Variants in PCDH15 observed in about 807,000 individuals in gnomAD.
PCDH15 encodes the protein protocadherin-15.
Under a neutral mutation model 178.5 loss-of-function variants are expected in PCDH15, and 129 were observed. That is an observed-to-expected ratio of 0.72 (90% CI 0.63 to 0.84). The LOEUF is 0.84. Among genes scored for constraint, PCDH15 ranks in the 40% least tolerant of loss-of-function variants. The pLI is 0.00. For missense variants in PCDH15, 2,230 were observed against 2,099.9 expected (o/e 1.06, Z -1.21); for synonymous variants, 800 against 732.0 (o/e 1.09, Z -1.50).
rs148813390 is a variant in PCDH15, at chr10:53,943,291, C to T, written c.3123-2316G>A. Among the ~76,000 whole-genome samples the T allele has an allele frequency of 3.4e-3, 511 of 152,014 alleles. 2 individuals are homozygous for T. The highest frequency in any genetic ancestry group is 0.011 in the African/African-American group (471 of 41,466). ...ATCCCCTGAGGTCAGGAGTTCAAGA[C>T]CAGCCTCACCAATATCTCTACTAAA... On this transcript the variant is annotated intron_variant, in intron 23 of 37. Coordinates refer to ENST00000644397, the MANE Select transcript of PCDH15 (RefSeq NM_001384140.1).
chr10:54,212,167 A>G (rs2051511281), intron 10 of PCDH15, among the ~76,000 whole-genome samples: 1 of 152,140 alleles, frequency 6.6e-6, no homozygotes, highest in Admixed American at 6.5e-5. Context: ...ATTCCCATAG[A>G]AAGCAGCACC....
chr10:54,557,501 A>T (rs922464976), intron 2 of PCDH15, among the ~76,000 whole-genome samples: 1 of 152,132 alleles, frequency 6.6e-6, no homozygotes, highest in Non-Finnish European at 1.5e-5. Context: ...GATATACAAC[A>T]TTACTCATGT....
chr10:54,860,085 G>A (rs1953812548), intron 3 of PCDH15, among the ~76,000 whole-genome samples: 1 of 152,020 alleles, frequency 6.6e-6, no homozygotes, highest in Non-Finnish European at 1.5e-5. Context: ...ATGTTTGTAT[G>A]CATGTGTGTG....
At chr10:54,192,474 C>T (rs989229246) in intron 11 of PCDH15, among the ~76,000 whole-genome samples, 3 of 151,616 alleles carry the variant, frequency 2.0e-5, no homozygotes, top group African/African-American at 2.4e-5. Context: ...TTAGTTGTGG[C>T]GAATAAAGAA....
intron 26 of PCDH15, among the ~76,000 whole-genome samples, chr10:53,870,538 G>T (rs2079764969): frequency 6.6e-6 from 1 of 152,082 alleles, no homozygotes; most frequent in Non-Finnish European, 1.5e-5. Context: ...TGATTGCCAG[G>T]ATCATTAGCA....
chr10:54,234,145 T>TGTGTGC (rs2054374430), intron 9 of PCDH15, among the ~76,000 whole-genome samples: 1 of 150,948 alleles, frequency 6.6e-6, no homozygotes, highest in African/African-American at 2.4e-5. Flanking sequence ...TGTGTGTGTG[T>TGTGTGC]GTGTGTGTGT....
chr10:55,445,891 G>C lies in PCDH15; in HGVS notation c.-156+181734C>G, dbSNP rs74434815. On this transcript the variant is annotated intron_variant, in intron 2 of 5. Coordinates refer to the PCDH15 transcript ENST00000613346. ...AAGACTCAAATAAAGTTACTCTTTG[G>C]AAAAACTGAATCAGAGAAGCCTTTC... 4.4e-3 allele frequency among the ~76,000 whole-genome samples: 668 copies of C among 152,120 alleles called. 3 individuals are homozygous for C. Among genetic ancestry groups the C allele is most frequent in the African/African-American group, 0.016 (651 of 41,502 alleles).
At chr10:55,432,778 T>C (rs1434377925) in intron 2 of PCDH15, among the ~76,000 whole-genome samples, 3 of 17,804 alleles carry the variant, frequency 1.7e-4, no homozygotes. Flanking sequence ...GCCCGGCTAA[T>C]ATATATATAT....
chr10:55,279,161 A>C (rs935380545), intron 1 of PCDH15, among the ~76,000 whole-genome samples: 1 of 152,198 alleles, frequency 6.6e-6, no homozygotes, highest in Non-Finnish European at 1.5e-5. Context: ...ATAAAGTTAC[A>C]TAAAAGGGAG....
At chr10:54,601,941 A>G (rs1182812401) in intron 2 of PCDH15, among the ~76,000 whole-genome samples, 1 of 151,962 alleles carries the variant, frequency 6.6e-6, no homozygotes, top group Admixed American at 6.6e-5. Flanking sequence ...ATGAAAACAC[A>G]TGGACACAAA....
chr10:54,530,434 T>A (rs772332586), intron 2 of PCDH15, among the ~76,000 whole-genome samples: 1 of 152,184 alleles, frequency 6.6e-6, no homozygotes, highest in Non-Finnish European at 1.5e-5. Context: ...GGCACAATAC[T>A]AATGTGTCTT....
chr10:55,000,426 C>A (rs1336725617), intron 2 of PCDH15, among the ~76,000 whole-genome samples: 1 of 152,196 alleles, frequency 6.6e-6, no homozygotes, highest in Non-Finnish European at 1.5e-5. Flanking sequence ...GTTCCCTGAA[C>A]ATTGCTGTTA....
At chr10:55,389,329 C>T (rs892791444) in intron 2 of PCDH15, among the ~76,000 whole-genome samples, 3 of 151,934 alleles carry the variant, frequency 2.0e-5, no homozygotes, top group Non-Finnish European at 2.9e-5. Flanking sequence ...GTGAACACTA[C>T]AGTGATTTTT....
rs115169390 is a variant in PCDH15 at position 55,128,180 on chromosome 10, T to C, written c.-80+38396A>G. Among the ~76,000 whole-genome samples the C allele has an allele frequency of 4.0e-3, 612 of 152,074 alleles. 8 individuals carry two copies. The highest frequency in any genetic ancestry group is 0.014 in the African/African-American group (575 of 41,524). ...ATTTTCTTTTGAAGCTCAAAGCTAT[T>C]CCTCTCAACCCTCACTCCCACCTTA... On this transcript the variant is annotated intron_variant, in intron 2 of 5. Coordinates refer to the PCDH15 transcript ENST00000458638.
chr10:55,200,261 G>T (rs1038313754), intron 1 of PCDH15, among the ~76,000 whole-genome samples: 8 of 152,130 alleles, frequency 5.3e-5, no homozygotes, highest in African/African-American at 1.9e-4. Context: ...CATCAGTGTG[G>T]CCTAGATGTA....
At chr10:54,512,359 TTGTGTGTGTGTGTGTGTG>T (rs200575121) in intron 3 of PCDH15, among the ~76,000 whole-genome samples, 15 of 134,088 alleles carry the variant, frequency 1.1e-4, no homozygotes, top group Non-Finnish European at 1.8e-4. Flanking sequence ...ATTTCTGGCA[TTGTGTGTGTGTGTGTGTG>T]TGTGTGTGTG....
At chr10:54,538,785 C>T (rs2132913284) in intron 2 of PCDH15, among the ~76,000 whole-genome samples, 1 of 152,294 alleles carries the variant, frequency 6.6e-6, no homozygotes, top group South Asian at 2.1e-4. Context: ...CCCAGCCATG[C>T]TTCCTGTACA....
intron 2 of PCDH15, among the ~76,000 whole-genome samples, chr10:55,425,901 G>A (rs1180447245): frequency 6.6e-6 from 1 of 152,004 alleles, no homozygotes; most frequent in Non-Finnish European, 1.5e-5. Flanking sequence ...ATTGTAAAAC[G>A]TTTCTATATT....
At chr10:54,937,020 G>T (rs955606896) in intron 2 of PCDH15, among the ~76,000 whole-genome samples, 6 of 151,774 alleles carry the variant, frequency 4.0e-5, no homozygotes, top group Non-Finnish European at 1.5e-5. Flanking sequence ...TAATTTTTGT[G>T]CATCGCGTAA....
Sources: allele counts gnomAD v4.1 joint callset (sites outside exome capture counted in the v4.1 genomes callset), GRCh38; gene constraint gnomAD v4.1.1; transcripts MANE v1.5; gene names NCBI Gene and HGNC (gene_info 2026-07-23, HGNC 2026-07-21).